The following DGLUCY variants were observed in gnomAD, a reference collection of about 807,000 sequenced individuals.
DGLUCY encodes the protein D-glutamate cyclase.
Under a neutral mutation model 58.5 loss-of-function variants are expected in DGLUCY, and 58 were observed. That is an observed-to-expected ratio of 0.99 (90% CI 0.80 to 1.23). The LOEUF (loss-of-function observed/expected upper bound fraction) is 1.23. DGLUCY is among the 50% of genes most tolerant of loss of function. DGLUCY has a pLI of 0.00. For missense variants in DGLUCY, 779 were observed against 784.7 expected (o/e 0.99, Z 0.09); for synonymous variants, 325 against 314.1 (o/e 1.03, Z -0.37).
rs367888300 is a variant in DGLUCY, at chr14:91,193,701, G to A, written c.1196-2674G>A. On this transcript the variant is annotated intron_variant, in intron 9 of 13. Transcript: ENST00000256324. The stretch of plus-strand genomic sequence containing the variant: ...ACCAAAAAATACAAAAATTAGCTGC[G>A]TGTGGTGGCACGCGCCTGTAGTCCT... Among the ~76,000 whole-genome samples, 221 of 152,214 alleles carry A rather than the reference G, an allele frequency of 1.5e-3. 1 individual carries two copies. The highest frequency in any genetic ancestry group is 5.1e-3 in the African/African-American group (212 of 41,540).
intron 2 of DGLUCY, among the ~76,000 whole-genome samples, chr14:91,158,221 C>T (rs1010029302): frequency 4.6e-5 from 7 of 152,186 alleles, no homozygotes; most frequent in Admixed American, 3.9e-4. Context: ...CAGGCCCAGG[C>T]GTTAGGCAAG....
chr14:91,118,538 C>T (rs1263597469), intron 1 of DGLUCY, among the ~76,000 whole-genome samples: 2 of 152,070 alleles, frequency 1.3e-5, no homozygotes, highest in South Asian at 2.1e-4. Context: ...TTTTGATTTC[C>T]TTCTTTATCT....
Position 91,215,501 on chromosome 14 carries a change from C to A in DGLUCY, c.1661C>A (p.Pro554His), listed in dbSNP as rs772579626. 2 of 1,614,074 alleles carry A rather than the reference C, an allele frequency of 1.2e-6. No homozygotes were observed. The highest frequency in any genetic ancestry group is 1.7e-6 in the Non-Finnish European group (2 of 1,180,038). ...CAGTACCTGAGGAAAGCAGTCGGAC[C>A]CTCCAGGGCACCTGGAGATCAGGCC... ...HSQYLRKAVGPSRAPGDQAWT... is the reference protein window; with the variant it reads ...HSQYLRKAVGHSRAPGDQAWT... Residue 554 changes from proline to histidine, a missense_variant, in exon 13 of 14, where the codon CCC (proline) becomes CAC (histidine). Transcript: ENST00000256324.
chr14:91,154,223 A>C (rs1182775144), intron 1 of DGLUCY, among the ~76,000 whole-genome samples: 4 of 152,264 alleles, frequency 2.6e-5, no homozygotes, highest in Middle Eastern at 3.4e-3. Flanking sequence ...GGTTTTATAC[A>C]TTTTAGGGAG....
chr14:91,102,737 G>C (rs1183232270), intron 1 of DGLUCY, among the ~76,000 whole-genome samples: 1 of 94,264 alleles, frequency 1.1e-5, no homozygotes, highest in Non-Finnish European at 2.2e-5. Flanking sequence ...ACCCCTTCCA[G>C]TGTGTATGTG....
chr14:91,099,978 C>T (rs181732533), intron 1 of DGLUCY, among the ~76,000 whole-genome samples: 12 of 148,574 alleles, frequency 8.1e-5, no homozygotes, highest in African/African-American at 2.5e-4. Context: ...TGCTTGAACC[C>T]GGGAGGCAAT....
chr14:91,101,644 G>A (rs2044488719), intron 1 of DGLUCY, among the ~76,000 whole-genome samples: 2 of 152,218 alleles, frequency 1.3e-5, no homozygotes, highest in Admixed American at 6.5e-5. Context: ...TTCTTGAGTT[G>A]AGTCAAAGTA....
At chr14:91,211,707 A>C (rs1364652535) in intron 12 of DGLUCY, among the ~76,000 whole-genome samples, 1 of 152,162 alleles carries the variant, frequency 6.6e-6, no homozygotes, top group Non-Finnish European at 1.5e-5. Context: ...TATGAACTTA[A>C]ACATAAAACA....
rs1462178626 is a variant in DGLUCY, at chr14:91,062,584, T to A, written c.-82+1880T>A. On this transcript the variant is annotated intron_variant, in intron 1 of 4. Transcript: ENST00000521334. ...ATATATATATATATATATATATATATATATATATATATATATATATATATA... is the reference window on the plus strand; with the variant it reads ...ATATATATATATATATATATATATAAATATATATATATATATATATATATA... 1.6e-3 allele frequency among the ~76,000 whole-genome samples: 32 copies of A among 20,322 alleles called. 2 individuals carry two copies. The highest frequency in any genetic ancestry group is 4.6e-3 in the African/African-American group (28 of 6,030). 13.3% of individuals were successfully genotyped at this position (20,322 alleles called of 152,430 possible). A position where few individuals can be genotyped will look rare whatever the true frequency, so the allele number is the denominator to read the frequency against.
At chr14:91,108,522 T>TGA (rs1318637468) in intron 1 of DGLUCY, among the ~76,000 whole-genome samples, 26 of 73,934 alleles carry the variant, frequency 3.5e-4, no homozygotes, top group Admixed American at 1.8e-3. Flanking sequence ...TGTGTGTGTG[T>TGA]GTGTGAGAGA....
chr14:91,067,523 T>G (rs1230523817), intron 1 of DGLUCY, among the ~76,000 whole-genome samples: 1 of 151,986 alleles, frequency 6.6e-6, no homozygotes, highest in Non-Finnish European at 1.5e-5. Context: ...TTTCAAAAAG[T>G]CAAAAACTAC....
intron 1 of DGLUCY, chr14:91,060,716 A>C: frequency 3.2e-6 from 1 of 313,042 alleles, no homozygotes; most frequent in Non-Finnish European, 5.8e-6. Flanking sequence ...TAAGGGAGCC[A>C]TTCGAGCCGC....
At chr14:91,095,348 C>T (rs573033966) in intron 1 of DGLUCY, among the ~76,000 whole-genome samples, 3 of 152,284 alleles carry the variant, frequency 2.0e-5, no homozygotes, top group Admixed American at 2.0e-4. Flanking sequence ...TTCTCAGGGT[C>T]GGCAGAGGCT....
chr14:91,091,794 C>T (rs751611858), intron 1 of DGLUCY, among the ~76,000 whole-genome samples: 4 of 151,944 alleles, frequency 2.6e-5, no homozygotes, highest in Admixed American at 6.6e-5. Context: ...TGACTGTATC[C>T]GGGAATGAAC....
At chr14:91,122,106 T>C (rs2045401556) in intron 1 of DGLUCY, among the ~76,000 whole-genome samples, 1 of 151,858 alleles carries the variant, frequency 6.6e-6, no homozygotes, top group African/African-American at 2.4e-5. Flanking sequence ...CTTTTTTTTT[T>C]CTCTTAGAAA....
At chr14:91,135,652 TTAAAAAA>T (rs1181217134) in intron 1 of DGLUCY, among the ~76,000 whole-genome samples, 12 of 31,626 alleles carry the variant, frequency 3.8e-4, no homozygotes, top group African/African-American at 2.0e-3. Flanking sequence ...CTCTGCCTCA[TTAAAAAA>T]AAAAAAAAAA....
chr14:91,168,022 C>T (rs183207569), intron 4 of DGLUCY, among the ~76,000 whole-genome samples: 4 of 152,206 alleles, frequency 2.6e-5, no homozygotes, highest in East Asian at 1.9e-4. Flanking sequence ...CCCAGTACTT[C>T]GGGAGGCTGA....
At chr14:91,134,335 T>G (rs1279877210) in intron 1 of DGLUCY, among the ~76,000 whole-genome samples, 2 of 152,256 alleles carry the variant, frequency 1.3e-5, no homozygotes, top group Non-Finnish European at 2.9e-5. Flanking sequence ...AAGTAAAGTT[T>G]TACCATATTT....
intron 1 of DGLUCY, among the ~76,000 whole-genome samples, chr14:91,124,062 G>T (rs142024243): frequency 6.6e-6 from 1 of 151,680 alleles, no homozygotes; most frequent in Non-Finnish European, 1.5e-5. Flanking sequence ...TGAGTAGCTG[G>T]GACTACAGTC....
Sources: gnomAD v4.1 joint callset for allele counts (sites outside exome capture counted in the v4.1 genomes callset) on GRCh38, gnomAD v4.1.1 for gene constraint, MANE v1.5 for transcripts, NCBI Gene and HGNC (gene_info 2026-07-23, HGNC 2026-07-21) for gene names.